Variants in CLYBL observed in about 807,000 individuals in gnomAD.
The protein encoded by CLYBL is citramalyl-CoA lyase, mitochondrial.
A neutral mutation model predicts 38.9 loss-of-function variants in CLYBL; 31 were observed. The observed-to-expected ratio is 0.80, with a 90% confidence interval of 0.60 to 1.08. The LOEUF (loss-of-function observed/expected upper bound fraction) is 1.08. Ranked by LOEUF, CLYBL falls within the 50% of genes least tolerant of loss-of-function variation. The probability of loss-of-function intolerance (pLI) is 0.00; values close to 1 mark genes in which losing one functional copy is unlikely to be tolerated. For synonymous variants in CLYBL, 171 were observed against 158.6 expected (o/e 1.08, Z -0.59); for missense variants, 434 against 411.6 (o/e 1.05, Z -0.47).
intron 2 of CLYBL, among the ~76,000 whole-genome samples, chr13:99,776,120 T>C (rs1448508655): frequency 2.7e-5 from 4 of 147,986 alleles, no homozygotes; most frequent in Non-Finnish European, 6.0e-5. Flanking sequence ...GCCGAGATCG[T>C]GCCACTGCAC....
intron 1 of CLYBL, among the ~76,000 whole-genome samples, chr13:99,754,573 CT>C (rs892163344): frequency 6.6e-6 from 1 of 151,040 alleles, no homozygotes; most frequent in Non-Finnish European, 1.5e-5. Flanking sequence ...TCTAGATGAT[CT>C]TTTTTTGTTG....
At chr13:99,840,587 G>C (rs1046678097) in intron 2 of CLYBL, among the ~76,000 whole-genome samples, 1 of 151,586 alleles carries the variant, frequency 6.6e-6, no homozygotes, top group Non-Finnish European at 1.5e-5. Context: ...GCGAAAACCT[G>C]TCTCTACAAA....
chr13:99,618,071 C>T (rs971167772), intron 1 of CLYBL, among the ~76,000 whole-genome samples: 2 of 152,156 alleles, frequency 1.3e-5, no homozygotes, highest in African/African-American at 2.4e-5. Flanking sequence ...CCCCAGCCCC[C>T]AGATATTCAT....
chr13:99,855,994 T>C (rs961917805), intron 2 of CLYBL, among the ~76,000 whole-genome samples: 6 of 152,208 alleles, frequency 3.9e-5, no homozygotes, highest in Non-Finnish European at 5.9e-5. Flanking sequence ...GTAAAGAGCT[T>C]GGTTTCCATT....
intron 1 of CLYBL, among the ~76,000 whole-genome samples, chr13:99,621,267 G>A (rs944951404): frequency 1.3e-5 from 2 of 152,020 alleles, no homozygotes; most frequent in Admixed American, 6.5e-5. Context: ...TGGCATGTAC[G>A]CACCTCCTCA....
At chr13:99,697,829 G>C (rs2048003406) in intron 1 of CLYBL, among the ~76,000 whole-genome samples, 1 of 151,744 alleles carries the variant, frequency 6.6e-6, no homozygotes, top group African/African-American at 2.4e-5. Flanking sequence ...ATATTTTTTG[G>C]TAGAGATGGG....
chr13:99,875,201 G>A (rs970979196), intron 7 of CLYBL, among the ~76,000 whole-genome samples: 1 of 152,112 alleles, frequency 6.6e-6, no homozygotes, highest in East Asian at 1.9e-4. Context: ...ATCACTACCT[G>A]GCCTAACAAC....
chr13:99,702,554 C>A (rs1478056898), intron 1 of CLYBL, among the ~76,000 whole-genome samples: 1 of 151,402 alleles, frequency 6.6e-6, no homozygotes, highest in Non-Finnish European at 1.5e-5. Flanking sequence ...GTCGCTTGAA[C>A]CTGGGAGGCG....
intron 1 of CLYBL, among the ~76,000 whole-genome samples, chr13:99,705,930 TTTG>T (rs1286399233): frequency 3.3e-5 from 5 of 151,900 alleles, no homozygotes; most frequent in Non-Finnish European, 5.9e-5. Flanking sequence ...AATTTTTTTT[TTTG>T]TTTTTTTTTG....
chr13:99,644,333 A>C (rs76815456), intron 1 of CLYBL, among the ~76,000 whole-genome samples: 4,045 of 152,282 alleles, frequency 0.027, 81 homozygotes, highest in Middle Eastern at 0.11. Context: ...TGCAGTAAAA[A>C]AAAATTTGAA....
chr13:99,840,388 G>A (rs1434395835), intron 2 of CLYBL, among the ~76,000 whole-genome samples: 1 of 151,980 alleles, frequency 6.6e-6, no homozygotes, highest in African/African-American at 2.4e-5. Flanking sequence ...GAGGTGGGAG[G>A]ATCACTGGGG....
At chr13:99,644,231 G>A (rs2047142906) in intron 1 of CLYBL, among the ~76,000 whole-genome samples, 1 of 151,726 alleles carries the variant, frequency 6.6e-6, no homozygotes, top group African/African-American at 2.4e-5. Context: ...ATGTATATGT[G>A]GTGTATGTAT....
intron 1 of CLYBL, among the ~76,000 whole-genome samples, chr13:99,730,778 T>G (rs1445897452): frequency 6.6e-6 from 1 of 152,084 alleles, no homozygotes; most frequent in Admixed American, 6.5e-5. Flanking sequence ...TCCCCATTCT[T>G]TCCCCTAAAG....
At chr13:99,666,598 C>T (rs1475039125) in intron 1 of CLYBL, among the ~76,000 whole-genome samples, 2 of 152,088 alleles carry the variant, frequency 1.3e-5, no homozygotes, top group African/African-American at 2.4e-5. Context: ...GGCCAGCTCC[C>T]GAATCTCTAA....
In CLYBL at chr13:99,886,941, G is replaced by A. The variant is rs1041180306; in HGVS notation, c.928-4377G>A. Reference sequence around the variant, plus strand: ...AGGGCCTGGCACAAGGGAGCTGCTCGGTCCATACTTGATGGATGAATGGAT... The same window carrying A: ...AGGGCCTGGCACAAGGGAGCTGCTCAGTCCATACTTGATGGATGAATGGAT... On this transcript the variant is annotated intron_variant, in intron 7 of 8. Coordinates refer to ENST00000339105, the MANE Select transcript of CLYBL (RefSeq NM_206808.5). Among the ~76,000 whole-genome samples, 7 of 152,284 alleles carry A rather than the reference G, an allele frequency of 4.6e-5. No individual in the cohort carries two copies. In the South Asian group the frequency reaches 8.3e-4, roughly 18 times the overall value.
rs369001687 is a variant in CLYBL at position 99,658,576 on chromosome 13, G to A, written c.62+51819G>A. On this transcript the variant is annotated intron_variant, in intron 1 of 8. Transcript: ENST00000339105. ...GAAACCGCGGAGTTGGGGTAGCTAG[G>A]CCCTCCAGCCCGGCGACAGGCCTCG... is the stretch of plus-strand genomic sequence containing the variant. 1.2e-4 allele frequency among the ~76,000 whole-genome samples: 19 copies of A among 152,304 alleles called. No individual in the cohort carries two copies. In the East Asian group the frequency reaches 2.3e-3, roughly 19 times the overall value.
intron 1 of CLYBL, among the ~76,000 whole-genome samples, chr13:99,727,902 A>G (rs1372100756): frequency 6.6e-6 from 1 of 152,126 alleles, no homozygotes; most frequent in East Asian, 1.9e-4. Flanking sequence ...ACATGGTGAA[A>G]TCCTGTCTCT....
At chr13:99,707,444 G>T (rs774380963) in intron 1 of CLYBL, among the ~76,000 whole-genome samples, 1 of 151,698 alleles carries the variant, frequency 6.6e-6, no homozygotes, top group Non-Finnish European at 1.5e-5. Flanking sequence ...TAATTTTTTT[G>T]TGTGTCTTTA....
At chr13:99,887,061 C>T (rs1391034181) in intron 7 of CLYBL, among the ~76,000 whole-genome samples, 1 of 152,230 alleles carries the variant, frequency 6.6e-6, no homozygotes, top group Non-Finnish European at 1.5e-5. Context: ...CAAGAGGACT[C>T]TTCAGTTTAT....
Sources: gnomAD v4.1 joint callset for allele counts (sites outside exome capture counted in the v4.1 genomes callset) on GRCh38, gnomAD v4.1.1 for gene constraint, MANE v1.5 for transcripts, NCBI Gene and HGNC (gene_info 2026-07-23, HGNC 2026-07-21) for gene names.